The following MCUB variants were observed in gnomAD, a reference collection of about 807,000 sequenced individuals.
The protein encoded by MCUB is calcium uniporter regulatory subunit MCUb, mitochondrial.
In MCUB, 46 loss-of-function variants were observed where a neutral mutation model predicts 41.4. That is an observed-to-expected ratio of 1.11 (90% confidence interval 0.88 to 1.42). The LOEUF (loss-of-function observed/expected upper bound fraction) is 1.42, where lower values mean the gene tolerates loss of function less well. Among genes scored for constraint, MCUB ranks in the 40% most tolerant of loss-of-function variants. The probability of loss-of-function intolerance (pLI) is 0.00; values close to 1 mark genes in which losing one functional copy is unlikely to be tolerated. For synonymous variants in MCUB, 148 were observed against 148.2 expected, an observed-to-expected ratio of 1.00 and a Z score of 0.01; for missense variants, 403 against 404.9, an observed-to-expected ratio of 1.00 and a Z score of 0.04.
At chr4:109,644,544 A>AT (rs1389220644) in intron 1 of MCUB, among the ~76,000 whole-genome samples, 3 of 152,188 alleles carry the variant, frequency 2.0e-5, no homozygotes, top group Admixed American at 6.5e-5. Context: ...ATTGTTAGGC[A>AT]TTTCCATTTT....
intron 1 of MCUB, among the ~76,000 whole-genome samples, chr4:109,603,243 G>A (rs989901265): frequency 3.3e-5 from 5 of 152,184 alleles, no homozygotes; most frequent in Admixed American, 1.3e-4. Context: ...TTGCAGGCGC[G>A]CGCCGCCACG....
chr4:109,580,688 G>A, intron 1 of MCUB, among the ~76,000 whole-genome samples: 1 of 152,300 alleles, frequency 6.6e-6, no homozygotes, highest in Middle Eastern at 3.4e-3. Flanking sequence ...CTTTTGAGAA[G>A]TGTCTGTTCA....
At chr4:109,563,163 T>G (rs1300301763) in intron 1 of MCUB, among the ~76,000 whole-genome samples, 1 of 152,224 alleles carries the variant, frequency 6.6e-6, no homozygotes, top group Non-Finnish European at 1.5e-5. Context: ...AGCCCTTGCC[T>G]AAATGTGCCT....
intron 1 of MCUB, among the ~76,000 whole-genome samples, chr4:109,644,008 G>T (rs1027213658): frequency 6.6e-6 from 1 of 152,126 alleles, no homozygotes; most frequent in Admixed American, 6.5e-5. Context: ...ACCTATTCTG[G>T]TTCGGAGGCT....
chr4:109,612,263 CTT>C (rs56813205), intron 1 of MCUB, among the ~76,000 whole-genome samples: 1 of 114,840 alleles, frequency 8.7e-6, no homozygotes, highest in Admixed American at 1.0e-4. Context: ...TCCTCCTTTT[CTT>C]TTTTTTTTTT....
rs957572778 is a variant in MCUB, at chr4:109,602,183, T to G, written c.99+41747T>G. ...TCTGTGGGTTGACTCTTCACTTTGT[T>G]GATTATTTTCTTTGCTGTGCAGAAG... is the stretch of plus-strand genomic sequence containing the variant. On this transcript the variant is annotated intron_variant, in intron 1 of 7. Transcript: ENST00000394650. 3.3e-5 allele frequency among the ~76,000 whole-genome samples: 5 copies of G among 152,234 alleles called. No homozygotes were observed. In the East Asian group the frequency reaches 5.8e-4, roughly 18 times the overall value.
chr4:109,664,794 C>T (rs1729308590), intron 4 of MCUB, among the ~76,000 whole-genome samples: 1 of 152,088 alleles, frequency 6.6e-6, no homozygotes, highest in Non-Finnish European at 1.5e-5. Context: ...AGTTGCCTAG[C>T]AGGACTTTTA....
intron 1 of MCUB, among the ~76,000 whole-genome samples, chr4:109,589,255 G>A (rs1278672766): frequency 2.6e-5 from 4 of 152,174 alleles, no homozygotes; most frequent in African/African-American, 9.7e-5. Context: ...TGAGTAGGGT[G>A]GATGTTCCCA....
At chr4:109,675,391 G>A (rs887209417) in intron 4 of MCUB, among the ~76,000 whole-genome samples, 3 of 152,194 alleles carry the variant, frequency 2.0e-5, no homozygotes, top group African/African-American at 7.2e-5. Flanking sequence ...CACAGATTTT[G>A]TCAACACTGC....
At chr4:109,659,200 A>T (rs756560575) in intron 2 of MCUB, 114 bp downstream of exon 2, 7 of 664,418 alleles carry the variant, frequency 1.1e-5, no homozygotes, top group African/African-American at 1.8e-5. Context: ...TCCCCATCCC[A>T]CCCCACCCTG....
intron 1 of MCUB, among the ~76,000 whole-genome samples, chr4:109,591,119 CT>C (rs1561219169): frequency 6.6e-6 from 1 of 152,160 alleles, no homozygotes; most frequent in African/African-American, 2.4e-5. Context: ...TTCCTGTCTA[CT>C]GCACAGCTGC....
chr4:109,596,929 C>T (rs28650838), intron 1 of MCUB, among the ~76,000 whole-genome samples: 2,865 of 151,552 alleles, frequency 0.019, 88 homozygotes, highest in African/African-American at 0.066. Flanking sequence ...GGAGTGGTGA[C>T]GACTCTTAAC....
At chr4:109,583,964 A>C (rs971220047) in intron 1 of MCUB, among the ~76,000 whole-genome samples, 2 of 152,078 alleles carry the variant, frequency 1.3e-5, no homozygotes, top group Non-Finnish European at 2.9e-5. Flanking sequence ...CTGGCCTCAT[A>C]AAATGAGTTA....
intron 1 of MCUB, among the ~76,000 whole-genome samples, chr4:109,615,910 G>T (rs1360618814): frequency 2.0e-5 from 3 of 152,174 alleles, no homozygotes; most frequent in Non-Finnish European, 4.4e-5. Flanking sequence ...ACACCTGTCA[G>T]TTACATCAGT....
At chr4:109,657,998 G>A (rs181465680) in intron 1 of MCUB, among the ~76,000 whole-genome samples, 24 of 152,284 alleles carry the variant, frequency 1.6e-4, no homozygotes, top group Admixed American at 1.6e-3. Flanking sequence ...TTTTTTTGTG[G>A]TTGCTGTTTA....
At chr4:109,587,458 G>A (rs1173655308) in intron 1 of MCUB, among the ~76,000 whole-genome samples, 1 of 152,162 alleles carries the variant, frequency 6.6e-6, no homozygotes, top group Non-Finnish European at 1.5e-5. Context: ...GGCCTCCATG[G>A]GCTGTACCCA....
At position 109,684,297 on chromosome 4, in the gene MCUB, C is replaced by T. The variant is rs569182372; in HGVS notation, c.613-146C>T. 1.4e-3 allele frequency: 820 copies of T among 567,708 alleles called. 14 individuals are homozygous for T. The East Asian group carries it at 0.025, about 17-fold the overall frequency. 35.2% of individuals were successfully genotyped at this position (567,708 alleles called of 1,614,324 possible). A position where few individuals can be genotyped will look rare whatever the true frequency, so the allele number is the denominator to read the frequency against. ...CAGGATGGTCTCGATCTCCTGACCT[C>T]GTGATCCGCCCACCTCGGCCTCCCA... On this transcript the variant is annotated intron_variant, in intron 5 of 7. Coordinates refer to ENST00000394650, the MANE Select transcript of MCUB (RefSeq NM_017918.5).
At chr4:109,639,677 A>G (rs1391063674) in intron 1 of MCUB, among the ~76,000 whole-genome samples, 1 of 152,180 alleles carries the variant, frequency 6.6e-6, no homozygotes, top group African/African-American at 2.4e-5. Flanking sequence ...ACAAGAGTGA[A>G]ACTCCATCTC....
At chr4:109,620,496 A>G (rs905058756) in intron 1 of MCUB, among the ~76,000 whole-genome samples, 1 of 149,646 alleles carries the variant, frequency 6.7e-6, no homozygotes, top group African/African-American at 2.5e-5. Flanking sequence ...AAGAAACTTC[A>G]AGTAACATAC....
Sources: gnomAD v4.1 joint callset for allele counts (sites outside exome capture counted in the v4.1 genomes callset) on GRCh38, gnomAD v4.1.1 for gene constraint, MANE v1.5 for transcripts, NCBI Gene and HGNC (gene_info 2026-07-23, HGNC 2026-07-21) for gene names.